The following UNC13C variants were observed in gnomAD, a reference collection of about 807,000 sequenced individuals.
UNC13C encodes the protein protein unc-13 homolog C.
Under a neutral mutation model 245.4 loss-of-function variants are expected in UNC13C, and 174 were observed. The observed-to-expected ratio is 0.71, with a 90% CI of 0.63 to 0.80. UNC13C has a LOEUF of 0.80. Among genes scored for constraint, UNC13C ranks in the 30% least tolerant of loss-of-function variants. UNC13C has a pLI of 0.00. For missense variants in UNC13C, 2,829 were observed against 2,602.9 expected (o/e 1.09, Z -1.89); for synonymous variants, 992 against 895.1 (o/e 1.11, Z -1.93).
At chr15:54,354,204 C>T (rs187156420) in intron 17 of UNC13C, among the ~76,000 whole-genome samples, 2 of 152,196 alleles carry the variant, frequency 1.3e-5, no homozygotes, top group South Asian at 2.1e-4. Flanking sequence ...ACAATAATTG[C>T]TCATAGAATT....
intron 28 of UNC13C, among the ~76,000 whole-genome samples, chr15:54,552,833 T>TAGTACAA (rs1896878387): frequency 9.8e-5 from 9 of 91,576 alleles, no homozygotes; most frequent in African/African-American, 2.7e-4. Context: ...TATAATTATA[T>TAGTACAA]TATATAGTAC....
intron 4 of UNC13C, among the ~76,000 whole-genome samples, chr15:54,184,406 A>C (rs1451382524): frequency 6.6e-6 from 1 of 151,980 alleles, no homozygotes; most frequent in Non-Finnish European, 1.5e-5. Flanking sequence ...TCCTAATGCT[A>C]TCCCTCCCCG....
intron 4 of UNC13C, among the ~76,000 whole-genome samples, chr15:54,164,460 A>G (rs967694592): frequency 1.8e-4 from 27 of 152,172 alleles, no homozygotes; most frequent in African/African-American, 5.3e-4. Flanking sequence ...GGCTTGGCCA[A>G]ATATTTGTGT....
intron 17 of UNC13C, among the ~76,000 whole-genome samples, chr15:54,384,877 G>T (rs978710169): frequency 6.6e-6 from 1 of 152,016 alleles, no homozygotes; most frequent in African/African-American, 2.4e-5. Flanking sequence ...CCCAAAAGAA[G>T]ATATACAGAT....
Position 54,566,071 on chromosome 15 carries a change from C to A in UNC13C, c.5959-1729C>A, listed in dbSNP as rs577585835. Among the ~76,000 whole-genome samples, 8 of 152,064 alleles carry A rather than the reference C, an allele frequency of 5.3e-5. No individual in the cohort carries two copies. In the South Asian group the frequency reaches 1.2e-3, roughly 24 times the overall value. ...AGTGCCTTCCTTTCCAGAGTTCCCC[C>A]CCTACTCTTGGCTCAGTTTCTAGCA... On this transcript the variant is annotated intron_variant, in intron 29 of 32. Coordinates refer to ENST00000260323, the MANE Select transcript of UNC13C (RefSeq NM_001080534.3).
chr15:54,149,926 C>T (rs1047944854), intron 4 of UNC13C, among the ~76,000 whole-genome samples: 2 of 152,132 alleles, frequency 1.3e-5, no homozygotes, highest in Admixed American at 6.5e-5. Context: ...TATGGGATGA[C>T]GTGCACAGGA....
At chr15:54,289,727 G>A (rs937717844) in intron 10 of UNC13C, among the ~76,000 whole-genome samples, 7 of 151,908 alleles carry the variant, frequency 4.6e-5, no homozygotes, top group East Asian at 3.9e-4. Flanking sequence ...GGAAAACACC[G>A]ATCAATACTT....
intron 30 of UNC13C, among the ~76,000 whole-genome samples, chr15:54,572,799 T>A (rs553435916): frequency 6.6e-6 from 1 of 152,308 alleles, no homozygotes; most frequent in East Asian, 1.9e-4. Flanking sequence ...ATTATTTAAG[T>A]GTTATTTAAT....
chr15:54,304,538 C>A (rs754100987), intron 13 of UNC13C, among the ~76,000 whole-genome samples: 47 of 151,856 alleles, frequency 3.1e-4, no homozygotes, highest in South Asian at 1.9e-3. Context: ...TCCTCCCAGC[C>A]CTTGCAGATT....
chr15:53,997,233 A>T (rs1183644566), intron 1 of UNC13C, among the ~76,000 whole-genome samples: 1 of 152,080 alleles, frequency 6.6e-6, no homozygotes, highest in Non-Finnish European at 1.5e-5. Context: ...GTGTTTATTC[A>T]AGTCTTTTGA....
intron 17 of UNC13C, among the ~76,000 whole-genome samples, chr15:54,370,743 G>A (rs1477676483): frequency 6.6e-6 from 1 of 151,888 alleles, no homozygotes; most frequent in African/African-American, 2.4e-5. Flanking sequence ...TTCACTAAGG[G>A]TCTCTTTCAT....
Position 54,171,710 on chromosome 15 carries a change from C to A in UNC13C, c.3071+28026C>A, listed in dbSNP as rs747162856. On this transcript the variant is annotated intron_variant, in intron 4 of 32. Coordinates refer to ENST00000260323, the MANE Select transcript of UNC13C (RefSeq NM_001080534.3). Reference sequence around the variant, plus strand: ...AACAGTATGGAGGTTCCTCAAAAATCTAGAAATAGAGCCACCGTATGATCC... The same window carrying A: ...AACAGTATGGAGGTTCCTCAAAAATATAGAAATAGAGCCACCGTATGATCC... Among the ~76,000 whole-genome samples the A allele has an allele frequency of 7.2e-5, 11 of 152,172 alleles. No individual in the cohort carries two copies. The East Asian group carries it at 2.1e-3, about 29-fold the overall frequency.
At chr15:54,373,183 G>A (rs1195711346) in intron 17 of UNC13C, among the ~76,000 whole-genome samples, 1 of 152,178 alleles carries the variant, frequency 6.6e-6, no homozygotes, top group Non-Finnish European at 1.5e-5. Flanking sequence ...TGGAAATTAA[G>A]GGCAATTTCC....
At chr15:54,365,541 C>T (rs930849574) in intron 17 of UNC13C, among the ~76,000 whole-genome samples, 1 of 151,978 alleles carries the variant, frequency 6.6e-6, no homozygotes, top group African/African-American at 2.4e-5. Context: ...TTTTTATTTG[C>T]CCAAATTAAT....
chr15:54,247,484 C>G (rs1194968136), intron 7 of UNC13C, among the ~76,000 whole-genome samples: 2 of 152,086 alleles, frequency 1.3e-5, no homozygotes, highest in Non-Finnish European at 2.9e-5. Context: ...ACTATCAACT[C>G]AACATATACT....
the UNC13C span, among the ~76,000 whole-genome samples, chr15:53,855,383 G>A: frequency 6.6e-6 from 1 of 152,110 alleles, no homozygotes; most frequent in Non-Finnish European, 1.5e-5. Flanking sequence ...AGTTTTTAAG[G>A]GGAATGCTTC....
intron 2 of UNC13C, among the ~76,000 whole-genome samples, chr15:54,123,103 C>T (rs1007761763): frequency 3.3e-5 from 5 of 151,910 alleles, no homozygotes; most frequent in South Asian, 2.1e-4. Flanking sequence ...ATCTTATCAA[C>T]TCTTATTATT....
intron 19 of UNC13C, among the ~76,000 whole-genome samples, chr15:54,450,911 A>G (rs1230953345): frequency 6.6e-6 from 1 of 152,070 alleles, no homozygotes; most frequent in Non-Finnish European, 1.5e-5. Flanking sequence ...CCATCTTGGA[A>G]CCACCCAAGA....
chr15:54,429,475 A>T (rs776929070), intron 19 of UNC13C, among the ~76,000 whole-genome samples: 1 of 151,746 alleles, frequency 6.6e-6, no homozygotes, highest in African/African-American at 2.4e-5. Context: ...GATAAAAAGC[A>T]GTATAGAAAC....
Sources: allele counts gnomAD v4.1 joint callset (sites outside exome capture counted in the v4.1 genomes callset), GRCh38; gene constraint gnomAD v4.1.1; transcripts MANE v1.5; gene names NCBI Gene and HGNC (gene_info 2026-07-23, HGNC 2026-07-21).